Variants in TRMT11 observed in about 807,000 individuals in gnomAD.
The protein encoded by TRMT11 is tRNA methyltransferase 11, also known as tRNA (guanine(10)-N(2))-methyltransferase TRMT11.
A neutral mutation model predicts 62.8 loss-of-function variants in TRMT11; 53 were observed. The observed-to-expected ratio is 0.84, with a 90% CI of 0.68 to 1.06. The LOEUF (loss-of-function observed/expected upper bound fraction) is 1.06. TRMT11 is among the 50% of genes least tolerant of loss of function. The probability of loss-of-function intolerance (pLI) is 0.00; values close to 1 mark genes in which losing one functional copy is unlikely to be tolerated. For missense variants in TRMT11, 556 were observed against 553.4 expected (o/e 1.00, Z -0.05); for synonymous variants, 188 against 190.3 (o/e 0.99, Z 0.10).
chr6:126,137,747 G>T (rs1217988023), intron 21 of TRMT11, among the ~76,000 whole-genome samples: 1 of 151,732 alleles, frequency 6.6e-6, no homozygotes, highest in Non-Finnish European at 1.5e-5. Flanking sequence ...AATAGATAAA[G>T]CAAATATAGT....
chr6:126,244,699 TGTCTG>T, the TRMT11 span, among the ~76,000 whole-genome samples: 7 of 152,242 alleles, frequency 4.6e-5, no homozygotes, highest in Non-Finnish European at 1.5e-5. Flanking sequence ...TTCGACACTC[TGTCTG>T]ACTGAGTTTT....
At chr6:126,221,528 T>A in the TRMT11 span, among the ~76,000 whole-genome samples, 1 of 152,296 alleles carries the variant, frequency 6.6e-6, no homozygotes, top group South Asian at 2.1e-4. Context: ...AGCATCTTTT[T>A]GTATGTTTGT....
chr6:126,063,004 A>T (rs1416643495), intron 17 of TRMT11, among the ~76,000 whole-genome samples: 1 of 152,218 alleles, frequency 6.6e-6, no homozygotes, highest in East Asian at 1.9e-4. Context: ...AATATCATAA[A>T]TTAATATTTA....
chr6:126,025,175 G>A (rs1403578224), intron 12 of TRMT11, among the ~76,000 whole-genome samples: 1 of 152,150 alleles, frequency 6.6e-6, no homozygotes, highest in Non-Finnish European at 1.5e-5. Flanking sequence ...AAGACCCATT[G>A]TGGACTAATT....
At chr6:126,165,834 G>C (rs1778252624) in intron 21 of TRMT11, among the ~76,000 whole-genome samples, 1 of 152,146 alleles carries the variant, frequency 6.6e-6, no homozygotes, top group Non-Finnish European at 1.5e-5. Context: ...GGCCTGTCTT[G>C]CTAGGTTGGA....
chr6:126,082,614 T>G (rs940454912), intron 17 of TRMT11, among the ~76,000 whole-genome samples: 7 of 152,122 alleles, frequency 4.6e-5, no homozygotes, highest in Non-Finnish European at 1.0e-4. Flanking sequence ...TTATGTCAGG[T>G]TTCTCAGTGT....
the TRMT11 span, among the ~76,000 whole-genome samples, chr6:126,251,429 T>C: frequency 6.6e-6 from 1 of 152,218 alleles, no homozygotes; most frequent in Non-Finnish European, 1.5e-5. Flanking sequence ...GACTAAAAGC[T>C]AATTAATATA....
At chr6:126,148,281 G>A (rs1379599923) in intron 21 of TRMT11, among the ~76,000 whole-genome samples, 1 of 152,208 alleles carries the variant, frequency 6.6e-6, no homozygotes, top group Non-Finnish European at 1.5e-5. Context: ...TCAAGGCCGA[G>A]CATATCAACC....
chr6:126,021,350 C>T (rs1047908688), intron 12 of TRMT11, 70 bp downstream of exon 12: 25 of 1,547,154 alleles, frequency 1.6e-5, no homozygotes, highest in Non-Finnish European at 2.0e-5. Context: ...AATAGTTTTC[C>T]TGTGATAGAG....
the TRMT11 span, among the ~76,000 whole-genome samples, chr6:126,226,082 C>A: frequency 1.3e-5 from 2 of 152,068 alleles, no homozygotes; most frequent in African/African-American, 4.8e-5. Context: ...GAGTAGTTAA[C>A]CTTGAAGCTC....
At chr6:126,045,127 G>A (rs1776011052) in intron 16 of TRMT11, among the ~76,000 whole-genome samples, 2 of 151,656 alleles carry the variant, frequency 1.3e-5, no homozygotes, top group Admixed American at 1.3e-4. Context: ...GGTGGAGATT[G>A]CAGTGAGCTG....
chr6:126,030,486 G>A (rs7769650), intron 12 of TRMT11, among the ~76,000 whole-genome samples: 16,291 of 152,070 alleles, frequency 0.11, 2,830 homozygotes, highest in African/African-American at 0.36. Context: ...AGCTTTAATC[G>A]GTTCCATGAA....
At chr6:126,247,482 T>TATCTATCTATC in the TRMT11 span, among the ~76,000 whole-genome samples, 11 of 148,920 alleles carry the variant, frequency 7.4e-5, no homozygotes, top group Non-Finnish European at 1.6e-4. Flanking sequence ...TCTATCTATC[T>TATCTATCTATC]ATCTATCTAA....
At chr6:126,045,303 C>T (rs184268043) in intron 16 of TRMT11, among the ~76,000 whole-genome samples, 627 of 152,132 alleles carry the variant, frequency 4.1e-3, no homozygotes, top group Non-Finnish European at 6.0e-3. Flanking sequence ...ATATGTCAGG[C>T]GCTTGCAATA....
chr6:126,084,659 T>C (rs942470179), intron 17 of TRMT11, among the ~76,000 whole-genome samples: 2 of 152,188 alleles, frequency 1.3e-5, no homozygotes, highest in African/African-American at 4.8e-5. Context: ...CAAGAGCTTT[T>C]CCTCTCTTCT....
the TRMT11 span, among the ~76,000 whole-genome samples, chr6:126,267,259 T>C: frequency 1.3e-5 from 2 of 152,350 alleles, no homozygotes; most frequent in East Asian, 3.9e-4. Flanking sequence ...ATTAAATGAT[T>C]TAATGTACAT....
chr6:126,093,615 A>ATTT (rs1451363711), intron 17 of TRMT11, among the ~76,000 whole-genome samples: 3 of 89,168 alleles, frequency 3.4e-5, no homozygotes, highest in African/African-American at 2.5e-4. Flanking sequence ...ATATATATAT[A>ATTT]TATATATATA....
chr6:126,239,875 A>G, the TRMT11 span, among the ~76,000 whole-genome samples: 4 of 152,104 alleles, frequency 2.6e-5, no homozygotes, highest in East Asian at 1.9e-4. Context: ...CTTTTCACAT[A>G]GTCCTATATT....
intron 17 of TRMT11, among the ~76,000 whole-genome samples, chr6:126,056,505 T>C (rs985572304): frequency 2.0e-5 from 3 of 152,192 alleles, no homozygotes; most frequent in Admixed American, 6.5e-5. Flanking sequence ...GGTGCATACC[T>C]AAGCAAAGAA....
Sources: allele counts gnomAD v4.1 joint callset (sites outside exome capture counted in the v4.1 genomes callset), GRCh38; gene constraint gnomAD v4.1.1; transcripts MANE v1.5; gene names NCBI Gene and HGNC (gene_info 2026-07-23, HGNC 2026-07-21).